The following ZNF804A variants were observed in gnomAD, a reference collection of about 807,000 sequenced individuals.
The protein encoded by ZNF804A is zinc finger protein 804A.
In ZNF804A, 2 loss-of-function variants were observed where a neutral mutation model predicts 16.5. That is an observed-to-expected ratio of 0.12 (90% CI 0.05 to 0.38). The LOEUF is 0.38. Among genes scored for constraint, ZNF804A ranks in the 10% least tolerant of loss-of-function variants. ZNF804A has a pLI of 0.99. For missense variants in ZNF804A, 1,473 were observed against 1,390.7 expected (o/e 1.06, Z -0.94); for synonymous variants, 534 against 489.6 (o/e 1.09, Z -1.20).
At chr2:184,626,078 C>A (rs2105683230) in intron 1 of ZNF804A, among the ~76,000 whole-genome samples, 1 of 152,232 alleles carries the variant, frequency 6.6e-6, no homozygotes, top group South Asian at 2.1e-4. Flanking sequence ...CCGTGTTAGT[C>A]AGGATGGTCT....
chr2:184,894,055 ACT>A (rs1473859714), intron 2 of ZNF804A, among the ~76,000 whole-genome samples: 1 of 151,994 alleles, frequency 6.6e-6, no homozygotes, highest in Non-Finnish European at 1.5e-5. Context: ...TTTTTATGAT[ACT>A]CTGTTTGAGA....
intron 1 of ZNF804A, among the ~76,000 whole-genome samples, chr2:184,728,086 G>C (rs1264467303): frequency 3.3e-5 from 5 of 150,842 alleles, no homozygotes; most frequent in Admixed American, 2.6e-4. Flanking sequence ...GTTGAGTAAC[G>C]CTTGTGAGTA....
intron 1 of ZNF804A, among the ~76,000 whole-genome samples, chr2:184,649,811 TA>T (rs1377097593): frequency 7.4e-6 from 1 of 134,668 alleles, no homozygotes; most frequent in Admixed American, 7.4e-5. Flanking sequence ...ATCAATTATT[TA>T]AAAAACCTAC....
chr2:184,625,563 G>A (rs1175561329), intron 1 of ZNF804A, among the ~76,000 whole-genome samples: 1 of 151,970 alleles, frequency 6.6e-6, no homozygotes, highest in Non-Finnish European at 1.5e-5. Context: ...GTGGACAGAT[G>A]GAGAAATAAA....
intron 1 of ZNF804A, among the ~76,000 whole-genome samples, chr2:184,863,953 G>A (rs1695836448): frequency 6.6e-6 from 1 of 152,088 alleles, no homozygotes; most frequent in Admixed American, 6.6e-5. Context: ...AGGAATAATT[G>A]ACAAATTTGC....
At position 184,916,326 on chromosome 2, in the gene ZNF804A, T is replaced by C. The variant is rs1320717433; in HGVS notation, c.256-17277T>C. Among the ~76,000 whole-genome samples, 5 of 152,170 alleles carry C rather than the reference T, an allele frequency of 3.3e-5. No homozygotes were observed. The South Asian group carries it at 8.3e-4, about 25-fold the overall frequency. ...GGGAAAACACTTAACAAGGTAATTC[T>C]TGTTATTAATCTAAATATATATTTT... On this transcript the variant is annotated intron_variant, in intron 2 of 3. Coordinates refer to ENST00000302277, the MANE Select transcript of ZNF804A (RefSeq NM_194250.2).
chr2:184,684,667 A>C (rs1188213871), intron 1 of ZNF804A, among the ~76,000 whole-genome samples: 1 of 152,160 alleles, frequency 6.6e-6, no homozygotes, highest in Non-Finnish European at 1.5e-5. Flanking sequence ...TATGGATCCC[A>C]TCACCCAGTT....
intron 1 of ZNF804A, among the ~76,000 whole-genome samples, chr2:184,614,399 C>T (rs1016927422): frequency 6.6e-6 from 1 of 152,074 alleles, no homozygotes; most frequent in African/African-American, 2.4e-5. Context: ...TCTAAAACAC[C>T]AAAAGCAATG....
chr2:184,833,985 T>C (rs1306488063), intron 1 of ZNF804A, among the ~76,000 whole-genome samples: 2 of 152,108 alleles, frequency 1.3e-5, no homozygotes, highest in African/African-American at 4.8e-5. Flanking sequence ...TTTGAGACCG[T>C]GTAGATTTCA....
intron 1 of ZNF804A, among the ~76,000 whole-genome samples, chr2:184,694,699 A>G (rs1299783630): frequency 6.6e-6 from 1 of 152,238 alleles, no homozygotes; most frequent in Non-Finnish European, 1.5e-5. Context: ...TCAGATAAAC[A>G]GTAAACATGT....
At chr2:184,810,868 C>T (rs1054642445) in intron 1 of ZNF804A, among the ~76,000 whole-genome samples, 2 of 151,986 alleles carry the variant, frequency 1.3e-5, no homozygotes, top group East Asian at 1.9e-4. Context: ...AGAATAAGAG[C>T]GTAGAAATAG....
chr2:184,673,062 GA>G (rs916850087), intron 1 of ZNF804A, among the ~76,000 whole-genome samples: 8 of 141,354 alleles, frequency 5.7e-5, no homozygotes, highest in East Asian at 4.1e-4. Context: ...GAAAATTACA[GA>G]AAAAAAAGAT....
At chr2:184,704,924 TA>T (rs1692998425) in intron 1 of ZNF804A, among the ~76,000 whole-genome samples, 1 of 152,168 alleles carries the variant, frequency 6.6e-6, no homozygotes, top group African/African-American at 2.4e-5. Context: ...AAGAAGAAAG[TA>T]AGAATAGTTC....
At chr2:184,780,816 A>C (rs1267937808) in intron 1 of ZNF804A, among the ~76,000 whole-genome samples, 2 of 151,744 alleles carry the variant, frequency 1.3e-5, no homozygotes, top group Non-Finnish European at 2.9e-5. Context: ...CAGTAAACTG[A>C]AGACTAGAGA....
chr2:184,812,336 A>G (rs1160461604), intron 1 of ZNF804A, among the ~76,000 whole-genome samples: 1 of 152,178 alleles, frequency 6.6e-6, no homozygotes, highest in African/African-American at 2.4e-5. Flanking sequence ...GTAGAGGGAA[A>G]CCTTTGAGTA....
chr2:184,747,556 T>A (rs1464929182), intron 1 of ZNF804A, among the ~76,000 whole-genome samples: 1 of 151,186 alleles, frequency 6.6e-6, no homozygotes. Flanking sequence ...TAAGCGGAAA[T>A]AAAAAGAGAA....
At chr2:184,849,443 G>A (rs955144331) in intron 1 of ZNF804A, among the ~76,000 whole-genome samples, 1 of 151,922 alleles carries the variant, frequency 6.6e-6, no homozygotes, top group Non-Finnish European at 1.5e-5. Flanking sequence ...TGCTAATAAT[G>A]CAGAAGAATG....
chr2:184,626,536 A>C (rs974762628), intron 1 of ZNF804A, among the ~76,000 whole-genome samples: 45 of 152,172 alleles, frequency 3.0e-4, no homozygotes, highest in Non-Finnish European at 6.2e-4. Context: ...TTATGACTAC[A>C]TCTGAATTAC....
At chr2:184,806,472 T>C (rs546769746) in intron 1 of ZNF804A, among the ~76,000 whole-genome samples, 125 of 152,024 alleles carry the variant, frequency 8.2e-4, no homozygotes, top group African/African-American at 3.0e-3. Flanking sequence ...AATACAATTA[T>C]TTATGGTTTG....
Sources: gnomAD v4.1 joint callset for allele counts (sites outside exome capture counted in the v4.1 genomes callset) on GRCh38, gnomAD v4.1.1 for gene constraint, MANE v1.5 for transcripts, NCBI Gene and HGNC (gene_info 2026-07-23, HGNC 2026-07-21) for gene names.